HIPK3: variants seen among roughly 807,000 people sequenced by gnomAD.
HIPK3 encodes homeodomain-interacting protein kinase 3.
HIPK3 carries 47 observed loss-of-function variants against 124.2 expected under a neutral mutation model. The observed-to-expected ratio is 0.38, with a 90% confidence interval of 0.30 to 0.48. The LOEUF is 0.48. HIPK3 is among the 20% of genes least tolerant of loss of function. The pLI, the probability that HIPK3 is intolerant of heterozygous loss-of-function variation, is 0.98. For missense variants in HIPK3, 1,286 were observed against 1,454.3 expected (o/e 0.88, Z 1.88); for synonymous variants, 482 against 515.2 (o/e 0.94, Z 0.87).
At chr11:33,315,593 A>G (rs1274875569) in intron 2 of HIPK3, among the ~76,000 whole-genome samples, 1 of 152,040 alleles carries the variant, frequency 6.6e-6, no homozygotes, top group Non-Finnish European at 1.5e-5. Context: ...GAACTTCTGC[A>G]CTCAAGCTGT....
Position 33,311,837 on chromosome 11 carries a change from T to TACACACACACACACACACACACACAC in HIPK3, c.1098-16666_1098-16641dup, listed in dbSNP as rs370396153. Among the ~76,000 whole-genome samples the TACACACACACACACACACACACACAC allele has an allele frequency of 1.3e-4, 14 of 104,408 alleles. 1 individual carries two copies. The highest frequency in any genetic ancestry group is 2.7e-4 in the Non-Finnish European group (14 of 52,446). The allele number at this position is 104,408 out of a possible 152,430, so 68.5% of individuals were successfully genotyped here. The stretch of plus-strand genomic sequence containing the variant: ...GGGCAACATAGCAGGACCCTGTTTC[T>TACACACACACACACACACACACACAC]ACACACACACACACACACACACACA... On this transcript the variant is annotated intron_variant, in intron 2 of 16. Coordinates refer to ENST00000303296, the MANE Select transcript of HIPK3 (RefSeq NM_005734.5).
At chr11:33,309,111 C>G (rs1302038534) in intron 2 of HIPK3, among the ~76,000 whole-genome samples, 1 of 152,134 alleles carries the variant, frequency 6.6e-6, no homozygotes, top group Non-Finnish European at 1.5e-5. Context: ...AAGATACTTT[C>G]CAGAGATCAA....
rs1850708214 is a variant in HIPK3, at chr11:33,257,874, G to A, written c.-18G>A. On this transcript the variant is annotated 5_prime_UTR_variant, in exon 1 of 17. Coordinates refer to ENST00000303296, the MANE Select transcript of HIPK3 (RefSeq NM_005734.5). ...TGCGGCCGCCCGAAGAGGAGAGAGC[G>A]CGGGCCTCTAGGAAGGTAAGGGAGT... The A allele has an allele frequency of 3.0e-6, 3 of 985,540 alleles. No homozygotes were observed. In the African/African-American group the frequency reaches 5.2e-5, roughly 17 times the overall value. The allele number at this position is 985,540 out of a possible 1,614,324, so 61.0% of individuals were successfully genotyped here. A position where few individuals can be genotyped will look rare whatever the true frequency, so the allele number is the denominator to read the frequency against.
chr11:33,342,631 G>A (rs266468), intron 8 of HIPK3, among the ~76,000 whole-genome samples: 3,678 of 151,014 alleles, frequency 0.024, 75 homozygotes, highest in African/African-American at 0.052. Flanking sequence ...GCAACCTGCA[G>A]CCTCCGCCTC....
At chr11:33,267,407 C>A (rs1850997199) in intron 1 of HIPK3, among the ~76,000 whole-genome samples, 1 of 151,924 alleles carries the variant, frequency 6.6e-6, no homozygotes, top group Admixed American at 6.6e-5. Context: ...GCCACTGTGC[C>A]CGGCGCACAT....
intron 1 of HIPK3, among the ~76,000 whole-genome samples, chr11:33,262,445 T>C (rs978897637): frequency 6.6e-6 from 1 of 152,238 alleles, no homozygotes; most frequent in Non-Finnish European, 1.5e-5. Flanking sequence ...TTGGAACATA[T>C]GTTACTAAAC....
rs1554968560 is a variant in HIPK3, at chr11:33,343,287, G to GTCTGTC, written c.1897+1602_1897+1603insCTGTCT. Among the ~76,000 whole-genome samples, 5 of 142,388 alleles carry GTCTGTC rather than the reference G, an allele frequency of 3.5e-5. 1 individual carries two copies. Among genetic ancestry groups the GTCTGTC allele is most frequent in the African/African-American group, 1.3e-4 (5 of 39,436 alleles). 93.4% of individuals were successfully genotyped at this position (142,388 alleles called of 152,430 possible). On this transcript the variant is annotated intron_variant, in intron 8 of 16. Transcript: ENST00000303296. Reference sequence around the variant, plus strand: ...TGTGTGTGTGTGTGTGTGTGTGTGTGTGTCTTTTTTTGAGATAGTGTCTTG... The same window carrying GTCTGTC: ...TGTGTGTGTGTGTGTGTGTGTGTGTGTCTGTCTGTCTTTTTTTGAGATAGTGTCTTG...
intron 2 of HIPK3, among the ~76,000 whole-genome samples, chr11:33,299,296 AC>A (rs1329490365): frequency 6.6e-6 from 1 of 150,520 alleles, no homozygotes; most frequent in African/African-American, 2.4e-5. Context: ...ATATGGTGAA[AC>A]CCTGTCTCTA....
chr11:33,341,364 T>C (rs1590187534), intron 7 of HIPK3, among the ~76,000 whole-genome samples, 199 bp from the exon 8 acceptor site: 1 of 152,234 alleles, frequency 6.6e-6, no homozygotes, highest in East Asian at 1.9e-4. Flanking sequence ...CCTGCCCTTC[T>C]ATGCCACAAC....
intron 3 of HIPK3, 74 bp from the exon 4 acceptor site, chr11:33,337,001 A>G: frequency 1.9e-6 from 2 of 1,076,870 alleles, no homozygotes; most frequent in Non-Finnish European, 2.7e-6. Flanking sequence ...GACCTAACAT[A>G]TAGCCTAGTG....
chr11:33,345,597 C>T (rs1713720942), intron 8 of HIPK3, among the ~76,000 whole-genome samples: 2 of 132,316 alleles, frequency 1.5e-5, no homozygotes, highest in South Asian at 2.7e-4. Flanking sequence ...TCTCTCTGTT[C>T]ATCCTTGTCA....
chr11:33,338,872 T>G, intron 5 of HIPK3, 29 bp downstream of exon 5: 1 of 1,497,970 alleles, frequency 6.7e-7, no homozygotes, highest in Non-Finnish European at 9.3e-7. Context: ...TTTGTTCATC[T>G]TACATGCTTA....
chr11:33,308,742 CT>C (rs35729613), intron 2 of HIPK3, among the ~76,000 whole-genome samples: 299 of 139,688 alleles, frequency 2.1e-3, no homozygotes, highest in African/African-American at 4.6e-3. Context: ...TTTCTTTTAA[CT>C]TTTTTTTTTT....
intron 1 of HIPK3, among the ~76,000 whole-genome samples, chr11:33,270,544 G>C (rs1048902193): frequency 2.6e-5 from 4 of 152,146 alleles, no homozygotes; most frequent in Non-Finnish European, 4.4e-5. Flanking sequence ...TGTAACAACT[G>C]TATGAAACTG....
chr11:33,276,879 A>G lies in HIPK3; in HGVS notation c.-2-9534A>G, dbSNP rs1357374830. ...ACCACTACACCCAGCTAATTTTTGT[A>G]TTTTTAGTAGAGACGGGGTTTCATC... On this transcript the variant is annotated intron_variant, in intron 1 of 16. Coordinates refer to ENST00000303296, the MANE Select transcript of HIPK3 (RefSeq NM_005734.5). 2.6e-5 allele frequency among the ~76,000 whole-genome samples: 4 copies of G among 151,880 alleles called. No homozygotes were observed. The South Asian group carries it at 6.3e-4, about 24-fold the overall frequency.
intron 1 of HIPK3, among the ~76,000 whole-genome samples, chr11:33,277,058 T>G (rs1851292376): frequency 6.6e-6 from 1 of 152,206 alleles, no homozygotes; most frequent in Admixed American, 6.5e-5. Flanking sequence ...ATTCCTATTC[T>G]CTGATAGATT....
intron 2 of HIPK3, among the ~76,000 whole-genome samples, chr11:33,317,345 C>T (rs1269855656): frequency 6.8e-6 from 1 of 147,864 alleles, no homozygotes; most frequent in Non-Finnish European, 1.5e-5. Context: ...GTCTGAGCTC[C>T]CTGTAGTCTT....
chr11:33,279,783 G>C (rs1184507617), intron 1 of HIPK3, among the ~76,000 whole-genome samples: 2 of 152,170 alleles, frequency 1.3e-5, no homozygotes, highest in African/African-American at 4.8e-5. Flanking sequence ...CAAGATCAAG[G>C]TGCCAGCAGA....
intron 12 of HIPK3, 21 bp from the exon 13 acceptor site, chr11:33,348,500 TA>T (rs1162346901): frequency 5.8e-6 from 9 of 1,553,680 alleles, no homozygotes; most frequent in Non-Finnish European, 7.9e-6. Context: ...ATAGAAATTA[TA>T]AATTATTCCT....
Sources: allele counts gnomAD v4.1 joint callset (sites outside exome capture counted in the v4.1 genomes callset), GRCh38; gene constraint gnomAD v4.1.1; transcripts MANE v1.5; gene names NCBI Gene and HGNC (gene_info 2026-07-23, HGNC 2026-07-21).